TMTC1: variants seen among roughly 807,000 people sequenced by gnomAD.
TMTC1 encodes the protein transmembrane O-mannosyltransferase targeting cadherins 1.
Under a neutral mutation model 104.8 loss-of-function variants are expected in TMTC1, and 73 were observed. That is an observed-to-expected ratio of 0.70 (90% confidence interval 0.58 to 0.85). The LOEUF is 0.85. Ranked by LOEUF, TMTC1 falls within the 40% of genes least tolerant of loss-of-function variation. The probability of loss-of-function intolerance (pLI) is 0.00; values close to 1 mark genes in which losing one functional copy is unlikely to be tolerated. For missense variants in TMTC1, 1,035 were observed against 1,096.1 expected, an observed-to-expected ratio of 0.94 and a Z score of 0.79; for synonymous variants, 434 against 428.7, an observed-to-expected ratio of 1.01 and a Z score of -0.15.
At chr12:29,775,092 A>T (rs2120603842) in intron 1 of TMTC1, among the ~76,000 whole-genome samples, 1 of 152,318 alleles carries the variant, frequency 6.6e-6, no homozygotes, top group South Asian at 2.1e-4. Context: ...AGGCAGGAAG[A>T]TCAGTAAATA....
At chr12:29,622,843 A>C (rs1351746138) in intron 6 of TMTC1, among the ~76,000 whole-genome samples, 1 of 152,242 alleles carries the variant, frequency 6.6e-6, no homozygotes, top group Non-Finnish European at 1.5e-5. Context: ...CTACTCTTAA[A>C]TTCTCAAAGA....
chr12:29,764,020 A>G (rs1943409369), intron 2 of TMTC1, among the ~76,000 whole-genome samples: 1 of 152,188 alleles, frequency 6.6e-6, no homozygotes, highest in Non-Finnish European at 1.5e-5. Flanking sequence ...GAAAGTACAA[A>G]AGCAACTGGT....
intron 11 of TMTC1, among the ~76,000 whole-genome samples, chr12:29,530,553 T>C (rs537885071): frequency 6.6e-6 from 1 of 152,344 alleles, no homozygotes; most frequent in East Asian, 1.9e-4. Context: ...GCATGTTTGC[T>C]TACTACGCAT....
At chr12:29,773,618 C>T (rs1187000211) in intron 1 of TMTC1, among the ~76,000 whole-genome samples, 1 of 152,122 alleles carries the variant, frequency 6.6e-6, no homozygotes, top group African/African-American at 2.4e-5. Flanking sequence ...TGATTCCTGG[C>T]CCTGAAGCTG....
At chr12:29,551,264 T>G (rs777002481) in intron 10 of TMTC1, among the ~76,000 whole-genome samples, 7 of 152,216 alleles carry the variant, frequency 4.6e-5, no homozygotes, top group African/African-American at 7.2e-5. Flanking sequence ...AACTACTATC[T>G]TGAATGTATC....
intron 6 of TMTC1, chr12:29,613,836 G>T: frequency 1.9e-6 from 1 of 527,290 alleles, no homozygotes; most frequent in Non-Finnish European, 2.4e-6. Context: ...GTCTTCCAAA[G>T]CAGGATGATC....
At chr12:29,619,592 T>C (rs991992102) in intron 6 of TMTC1, among the ~76,000 whole-genome samples, 1 of 152,236 alleles carries the variant, frequency 6.6e-6, no homozygotes, top group Non-Finnish European at 1.5e-5. Context: ...TGATGTTTTA[T>C]GAACAGCAAC....
chr12:29,744,363 A>G (rs2136952524), intron 5 of TMTC1, among the ~76,000 whole-genome samples: 1 of 152,386 alleles, frequency 6.6e-6, no homozygotes, highest in East Asian at 1.9e-4. Context: ...ACAAACCTGC[A>G]CATTGTACAC....
chr12:29,751,933 C>A, intron 4 of TMTC1, 61 bp from the exon 5 acceptor site: 1 of 1,442,926 alleles, frequency 6.9e-7, no homozygotes, highest in South Asian at 1.4e-5. Context: ...TTACAACAAC[C>A]GATAGCAGTA....
intron 5 of TMTC1, among the ~76,000 whole-genome samples, chr12:29,705,441 T>G (rs754421776): frequency 2.0e-5 from 3 of 152,118 alleles, no homozygotes; most frequent in Admixed American, 6.5e-5. Context: ...ACAGAGGAAC[T>G]CTCCATTTGT....
At chr12:29,643,798 C>T (rs1334958804) in intron 5 of TMTC1, among the ~76,000 whole-genome samples, 15 of 33,424 alleles carry the variant, frequency 4.5e-4, no homozygotes, top group East Asian at 6.7e-4. Flanking sequence ...TATTTATATA[C>T]ATATTTATAT....
intron 5 of TMTC1, among the ~76,000 whole-genome samples, chr12:29,725,365 C>T (rs761511840): frequency 1.3e-5 from 2 of 150,354 alleles, no homozygotes; most frequent in Non-Finnish European, 3.0e-5. Flanking sequence ...GATGGAATTT[C>T]GCTTTTTGCC....
chr12:29,648,904 T>C (rs1939393191), intron 5 of TMTC1, among the ~76,000 whole-genome samples: 2 of 152,176 alleles, frequency 1.3e-5, no homozygotes, highest in Non-Finnish European at 2.9e-5. Context: ...GCCTTTACAC[T>C]TCCAGCACAT....
At chr12:29,713,737 G>A (rs757678034) in intron 5 of TMTC1, among the ~76,000 whole-genome samples, 2 of 152,036 alleles carry the variant, frequency 1.3e-5, no homozygotes, top group African/African-American at 2.4e-5. Context: ...GAAGTACCAG[G>A]CTCATTCCTC....
intron 7 of TMTC1, among the ~76,000 whole-genome samples, chr12:29,602,767 T>C (rs1324640401): frequency 6.6e-6 from 1 of 152,164 alleles, no homozygotes; most frequent in Admixed American, 6.5e-5. Flanking sequence ...ATATGAGAGA[T>C]TCCATTTTGT....
At chr12:29,715,169 CA>C (rs1408766185) in intron 5 of TMTC1, among the ~76,000 whole-genome samples, 1 of 152,010 alleles carries the variant, frequency 6.6e-6, no homozygotes, top group Non-Finnish European at 1.5e-5. Context: ...TGAATGCTTT[CA>C]ACAAAATTGA....
chr12:29,570,518 G>A (rs1349770999), intron 9 of TMTC1, among the ~76,000 whole-genome samples: 2 of 152,176 alleles, frequency 1.3e-5, no homozygotes, highest in African/African-American at 4.8e-5. Flanking sequence ...GAAAATATTT[G>A]ATAGCAAACT....
At chr12:29,570,235 T>C (rs1205215719) in intron 9 of TMTC1, among the ~76,000 whole-genome samples, 1 of 152,144 alleles carries the variant, frequency 6.6e-6, no homozygotes, top group Non-Finnish European at 1.5e-5. Context: ...GGAATATGCC[T>C]TTTAAAAAAT....
intron 10 of TMTC1, among the ~76,000 whole-genome samples, chr12:29,554,705 C>A (rs561942283): frequency 6.6e-6 from 1 of 151,896 alleles, no homozygotes. Flanking sequence ...CCCACTTCTA[C>A]AAAAAATACA....
Sources: gnomAD v4.1 joint callset for allele counts (sites outside exome capture counted in the v4.1 genomes callset) on GRCh38, gnomAD v4.1.1 for gene constraint, MANE v1.5 for transcripts, NCBI Gene and HGNC (gene_info 2026-07-23, HGNC 2026-07-21) for gene names.